The following UGT1A9 variants were observed in gnomAD, a reference collection of about 807,000 sequenced individuals.
UGT1A9 encodes UDP-glucuronosyltransferase 1A9.
In UGT1A9, 35 loss-of-function variants were observed where a neutral mutation model predicts 45.0. The observed-to-expected ratio is 0.78, with a 90% CI of 0.59 to 1.03. The LOEUF (loss-of-function observed/expected upper bound fraction) is 1.03. UGT1A9 is among the 50% of genes least tolerant of loss of function. The pLI, the probability that UGT1A9 is intolerant of heterozygous loss-of-function variation, is 0.00. For missense variants in UGT1A9, 687 were observed against 666.6 expected (o/e 1.03, Z -0.34); for synonymous variants, 278 against 250.6 (o/e 1.11, Z -1.03).
chr2:233,748,753 G>A (rs1217763001), intron 1 of UGT1A9, among the ~76,000 whole-genome samples: 1 of 151,562 alleles, frequency 6.6e-6, no homozygotes, highest in African/African-American at 2.4e-5. Flanking sequence ...GGAAGGCATA[G>A]TTTTGGTTGC....
chr2:233,719,459 C>T (rs758684998), intron 1 of UGT1A9: 2 of 1,613,896 alleles, frequency 1.2e-6, no homozygotes, highest in East Asian at 4.5e-5. Context: ...GGGTCAAGAA[C>T]ATGCTCTACC....
rs28898618 is a variant in UGT1A9, at chr2:233,729,359, C to T, written c.856-37675C>T. ...AAAGAAGAGAACTTTTTCACCCTGA[C>T]AACCTATGCCATTTCGTGGACCCAG... is the stretch of plus-strand genomic sequence containing the variant. On this transcript the variant is annotated intron_variant, in intron 1 of 4. Transcript: ENST00000354728. 8.4e-4 allele frequency: 1,362 copies of T among 1,614,128 alleles called. 14 individuals are homozygous for T. The African/African-American group carries it at 0.016, about 19-fold the overall frequency.
intron 1 of UGT1A9, among the ~76,000 whole-genome samples, chr2:233,749,503 T>G (rs1362784067): frequency 6.6e-6 from 1 of 151,872 alleles, no homozygotes; most frequent in African/African-American, 2.4e-5. Context: ...CTTAGAGAAT[T>G]AGAGAACACT....
intron 1 of UGT1A9, among the ~76,000 whole-genome samples, chr2:233,765,933 G>C (rs1285596589): frequency 2.6e-5 from 4 of 152,108 alleles, no homozygotes; most frequent in African/African-American, 9.7e-5. Flanking sequence ...CGGGCAGGTT[G>C]TGGGGCTCTG....
At chr2:233,692,035 G>C (rs555086706) in intron 1 of UGT1A9, 1 of 152,198 alleles carries the variant, frequency 6.6e-6, no homozygotes, top group Non-Finnish European at 1.5e-5. Flanking sequence ...AGTTGCCAGG[G>C]AACAAAACCC....
intron 1 of UGT1A9, among the ~76,000 whole-genome samples, chr2:233,761,933 C>T (rs1191781087): frequency 1.3e-5 from 2 of 152,210 alleles, no homozygotes; most frequent in Admixed American, 1.3e-4. Flanking sequence ...AGGCACTTCC[C>T]AGGTGCTGCG....
chr2:233,694,865 A>G (rs2075244245), intron 1 of UGT1A9, among the ~76,000 whole-genome samples: 1 of 152,230 alleles, frequency 6.6e-6, no homozygotes, highest in Non-Finnish European at 1.5e-5. Context: ...GACATAATAT[A>G]GTTGTACACA....
At chr2:233,713,063 C>G in intron 1 of UGT1A9, 2 of 1,614,158 alleles carry the variant, frequency 1.2e-6, no homozygotes, top group Non-Finnish European at 1.7e-6. Context: ...GTGTCCAGCC[C>G]TGGGCTGAGA....
At chr2:233,700,961 C>T (rs867689514) in intron 1 of UGT1A9, among the ~76,000 whole-genome samples, 2 of 151,736 alleles carry the variant, frequency 1.3e-5, no homozygotes, top group Non-Finnish European at 2.9e-5. Context: ...TGAGTGAGAA[C>T]ATGCGGTGTT....
intron 1 of UGT1A9, among the ~76,000 whole-genome samples, chr2:233,758,134 G>A (rs1262322592): frequency 6.6e-6 from 1 of 152,212 alleles, no homozygotes; most frequent in Non-Finnish European, 1.5e-5. Context: ...ATATTTGGCA[G>A]ATGAGGGAAT....
Position 233,754,852 on chromosome 2 carries a change from G to C in UGT1A9, c.856-12182G>C, listed in dbSNP as rs193246215. The C allele has an allele frequency of 1.8e-5, 24 of 1,345,428 alleles. No homozygotes were observed. In the Middle Eastern group the frequency reaches 8.4e-4, roughly 47 times the overall value. The allele number at this position is 1,345,428 out of a possible 1,614,324, so 83.3% of individuals were successfully genotyped here. ...GGAAATTCACTGAAGGCAGAGAAAA[G>C]GGGTGCAGACCCTCTGCTTCTGCTT... On this transcript the variant is annotated intron_variant, in intron 1 of 4. Coordinates refer to ENST00000354728, the MANE Select transcript of UGT1A9 (RefSeq NM_021027.3).
intron 1 of UGT1A9, among the ~76,000 whole-genome samples, chr2:233,699,450 A>G (rs1488653685): frequency 6.6e-6 from 1 of 152,212 alleles, no homozygotes; most frequent in African/African-American, 2.4e-5. Context: ...TGTTTTCCTT[A>G]GAACAAAGGA....
chr2:233,748,845 C>T (rs936990961), intron 1 of UGT1A9, among the ~76,000 whole-genome samples: 6 of 151,120 alleles, frequency 4.0e-5, no homozygotes, highest in East Asian at 1.9e-4. Context: ...AAACTGTGAG[C>T]GTATAAGCCC....
intron 1 of UGT1A9, chr2:233,743,488 G>A: frequency 1.5e-6 from 2 of 1,367,106 alleles, no homozygotes; most frequent in African/African-American, 3.0e-5. Context: ...TTCACTGAAG[G>A]CAGAGAAAAG....
Position 233,768,283 on chromosome 2 carries a change from G to T in UGT1A9, c.1139G>T (p.Cys380Phe). 6.2e-7 allele frequency: 1 copy of T among 1,614,180 alleles called. No homozygotes were observed. The change falls in exon 4 of 5, where the codon TGC becomes TTC. Residue 380 changes from cysteine (C) to phenylalanine (F), a missense_variant. Transcript: ENST00000354728. ...TCCCATGGTGTTTATGAAAGCATAT[G>T]CAATGGCGTTCCCATGGTGATGATG... Reference protein sequence around the residue: ...AGSHGVYESICNGVPMVMMPL... With the variant: ...AGSHGVYESIFNGVPMVMMPL...
intron 1 of UGT1A9, chr2:233,743,008 TACA>T (rs1692158299): frequency 4.2e-6 from 1 of 239,364 alleles, no homozygotes; most frequent in Admixed American, 5.1e-5. Context: ...ACAGATATTT[TACA>T]ACGATTGAAA....
chr2:233,699,313 G>A (rs1398593623), intron 1 of UGT1A9, among the ~76,000 whole-genome samples: 1 of 151,996 alleles, frequency 6.6e-6, no homozygotes, highest in Non-Finnish European at 1.5e-5. Context: ...TGTCCTTTTT[G>A]CTATTTTGTT....
chr2:233,729,883 T>G (rs1220265805), intron 1 of UGT1A9: 1 of 1,613,824 alleles, frequency 6.2e-7, no homozygotes, highest in Non-Finnish European at 8.5e-7. Flanking sequence ...CAGTCATGCA[T>G]CTGTGTGGCT....
Position 233,767,067 on chromosome 2 carries a change from C to G in UGT1A9, c.889C>G (p.His297Asp). ...FEAYINASGE[H>D]GIVVFSLGSM... The stretch of plus-strand genomic sequence containing the variant: ...AGCCTACATTAATGCTTCTGGAGAA[C>G]ATGGAATTGTGGTTTTCTCTTTGGG... Residue 297 changes from histidine to aspartate, a missense_variant, in exon 2 of 5, where the codon CAT becomes GAT. Coordinates refer to ENST00000354728, the MANE Select transcript of UGT1A9 (RefSeq NM_021027.3). The G allele has an allele frequency of 6.2e-7, 1 of 1,614,098 alleles. No individual in the cohort carries two copies. Among genetic ancestry groups the G allele is most frequent in the East Asian group, 2.2e-5 (1 of 44,866 alleles).
Sources: gnomAD v4.1 joint callset for allele counts (sites outside exome capture counted in the v4.1 genomes callset) on GRCh38, gnomAD v4.1.1 for gene constraint, MANE v1.5 for transcripts, NCBI Gene and HGNC (gene_info 2026-07-23, HGNC 2026-07-21) for gene names.